CABLES1: variants seen among roughly 807,000 people sequenced by gnomAD.
CABLES1 encodes Cdk5 and Abl enzyme substrate 1, also known as CDK5 and ABL1 enzyme substrate 1.
CABLES1 carries 36 observed loss-of-function variants against 57.8 expected under a neutral mutation model. The ratio of observed to expected loss-of-function variants is 0.62; its 90% CI spans 0.48 to 0.82. CABLES1 has a LOEUF of 0.82. Among genes scored for constraint, CABLES1 ranks in the 40% least tolerant of loss-of-function variants. CABLES1 has a pLI of 0.00. For synonymous variants in CABLES1, 374 were observed against 363.0 expected (o/e 1.03, Z -0.35); for missense variants, 767 against 836.6 (o/e 0.92, Z 1.03).
intron 7 of CABLES1, among the ~76,000 whole-genome samples, chr18:23,245,696 T>C (rs2047859175): frequency 6.6e-6 from 1 of 152,196 alleles, no homozygotes; most frequent in Non-Finnish European, 1.5e-5. Context: ...GAACTGCATC[T>C]CTGGACATCT....
chr18:23,203,605 G>A (rs1255767802), intron 3 of CABLES1, among the ~76,000 whole-genome samples: 1 of 152,176 alleles, frequency 6.6e-6, no homozygotes, highest in Non-Finnish European at 1.5e-5. Context: ...AAAAGGGGAT[G>A]GGTCATAACT....
chr18:23,158,128 A>G (rs2046977910), intron 1 of CABLES1, among the ~76,000 whole-genome samples: 2 of 151,568 alleles, frequency 1.3e-5, no homozygotes, highest in African/African-American at 4.9e-5. Flanking sequence ...TTAAAAAAAA[A>G]AAAAAAAAAA....
At chr18:23,247,827 A>G (rs2047934788) in intron 7 of CABLES1, among the ~76,000 whole-genome samples, 1 of 152,228 alleles carries the variant, frequency 6.6e-6, no homozygotes, top group African/African-American at 2.4e-5. Flanking sequence ...TGTCACCTAG[A>G]AGATGACTGG....
At chr18:23,150,957 C>T (rs1233335278) in intron 1 of CABLES1, among the ~76,000 whole-genome samples, 1 of 151,236 alleles carries the variant, frequency 6.6e-6, no homozygotes, top group Non-Finnish European at 1.5e-5. Flanking sequence ...CCTCATAACG[C>T]TAAGAGCTCT....
intron 3 of CABLES1, chr18:23,204,670 G>C (rs1171984556): frequency 6.6e-6 from 1 of 152,240 alleles, no homozygotes; most frequent in Non-Finnish European, 1.5e-5. Context: ...AGTAAAAAAA[G>C]AAAAAGAGGC....
chr18:23,179,894 AGTTTT>A (rs557680313), intron 1 of CABLES1, among the ~76,000 whole-genome samples: 135 of 152,178 alleles, frequency 8.9e-4, no homozygotes, highest in African/African-American at 3.0e-3. Flanking sequence ...AGGGTGAAAC[AGTTTT>A]GTTTTGTTTT....
At chr18:23,165,999 G>A (rs2047039835) in intron 1 of CABLES1, among the ~76,000 whole-genome samples, 1 of 152,170 alleles carries the variant, frequency 6.6e-6, no homozygotes, top group African/African-American at 2.4e-5. Flanking sequence ...CAGAAAAGCA[G>A]CAGTTCTAGC....
At chr18:23,191,080 CAAA>C (rs10636287) in intron 2 of CABLES1, among the ~76,000 whole-genome samples, 4 of 63,584 alleles carry the variant, frequency 6.3e-5, no homozygotes, top group African/African-American at 1.0e-4. Context: ...CCCATCTCTA[CAAA>C]AAAAAAAAAA....
chr18:23,238,937 T>G (rs1164623449), intron 7 of CABLES1, among the ~76,000 whole-genome samples: 3 of 152,232 alleles, frequency 2.0e-5, no homozygotes, highest in African/African-American at 7.2e-5. Flanking sequence ...GTAGCAGATT[T>G]CTAGGTAACC....
chr18:23,135,588 C>CAA lies in CABLES1; in HGVS notation c.-175_-174insAA. The CAA allele has an allele frequency of 1.2e-5, 3 of 254,878 alleles. No homozygotes were observed. Among genetic ancestry groups the CAA allele is most frequent in the Non-Finnish European group, 1.8e-5 (3 of 162,922 alleles). 15.8% of individuals were successfully genotyped at this position (254,878 alleles called of 1,614,324 possible). On this transcript the variant is annotated 5_prime_UTR_variant, in exon 1 of 10. Coordinates refer to ENST00000256925, the MANE Select transcript of CABLES1 (RefSeq NM_001100619.3). The stretch of plus-strand genomic sequence containing the variant: ...TGGGCCGGGGCGGCGGCGCCCCCAT[C>CAA]CCCAGCACCGAGGGGCGAGCATGGC...
At chr18:23,163,544 T>TG (rs531919627) in intron 1 of CABLES1, among the ~76,000 whole-genome samples, 2 of 151,494 alleles carry the variant, frequency 1.3e-5, no homozygotes, top group Non-Finnish European at 2.9e-5. Flanking sequence ...CAGGGAAGCC[T>TG]GGGGGGCTGA....
At position 23,187,691 on chromosome 18, in the gene CABLES1, G is replaced by T. The variant is rs559855838; in HGVS notation, c.846-1147G>T. On this transcript the variant is annotated intron_variant, in intron 1 of 9. Coordinates refer to ENST00000256925, the MANE Select transcript of CABLES1 (RefSeq NM_001100619.3). ...CGTGAGCCACCGTGCCTGGCCACAA[G>T]TATTTTTTTTTTAAAGGATTTGAGC... Among the ~76,000 whole-genome samples the T allele has an allele frequency of 2.6e-5, 4 of 152,020 alleles. No individual in the cohort carries two copies. The East Asian group carries it at 7.8e-4, about 30-fold the overall frequency.
chr18:23,170,015 C>G (rs753766243), intron 1 of CABLES1, among the ~76,000 whole-genome samples: 1 of 152,142 alleles, frequency 6.6e-6, no homozygotes, highest in African/African-American at 2.4e-5. Flanking sequence ...ATGCCCTATC[C>G]CTCTCAGCTC....
intron 7 of CABLES1, among the ~76,000 whole-genome samples, chr18:23,251,666 G>A (rs1375566205): frequency 2.0e-5 from 3 of 152,316 alleles, no homozygotes; most frequent in Non-Finnish European, 2.9e-5. Flanking sequence ...TTTAGAAAGA[G>A]GGAAGGAGGG....
At chr18:23,145,469 C>T (rs1819831417) in intron 1 of CABLES1, among the ~76,000 whole-genome samples, 1 of 152,114 alleles carries the variant, frequency 6.6e-6, no homozygotes, top group Non-Finnish European at 1.5e-5. Context: ...TGTTGAAAAC[C>T]AGAAGTTTTT....
In CABLES1 at chr18:23,257,465, C is replaced by T; in HGVS notation, c.*98C>T. On this transcript the variant is annotated 3_prime_UTR_variant, in exon 10 of 10. Transcript: ENST00000256925. The stretch of plus-strand genomic sequence containing the variant: ...TGAAAAAAAGTAGAACTCAGAATAC[C>T]AGACTTTTCTTCCTCTCGACATAGT... 7.6e-7 allele frequency: 1 copy of T among 1,323,926 alleles called. No homozygotes were observed. The highest frequency in any genetic ancestry group is 2.8e-5 in the Admixed American group (1 of 35,736). The allele number at this position is 1,323,926 out of a possible 1,614,324, so 82.0% of individuals were successfully genotyped here.
intron 1 of CABLES1, among the ~76,000 whole-genome samples, chr18:23,172,768 G>T (rs564551338): frequency 1.3e-5 from 2 of 152,322 alleles, no homozygotes; most frequent in East Asian, 3.9e-4. Flanking sequence ...AAGCCTTCCT[G>T]AACAGCCTGG....
intron 1 of CABLES1, among the ~76,000 whole-genome samples, chr18:23,168,693 G>A (rs1171786269): frequency 1.3e-5 from 2 of 152,226 alleles, no homozygotes; most frequent in Admixed American, 1.3e-4. Context: ...TGGACGTGGA[G>A]CCTGGCAGAA....
chr18:23,164,031 C>A (rs2047023690), intron 1 of CABLES1, among the ~76,000 whole-genome samples: 1 of 152,152 alleles, frequency 6.6e-6, no homozygotes, highest in African/African-American at 2.4e-5. Context: ...TATGTGGGTT[C>A]CAGGATCAGG....
Sources: allele counts gnomAD v4.1 joint callset (sites outside exome capture counted in the v4.1 genomes callset), GRCh38; gene constraint gnomAD v4.1.1; transcripts MANE v1.5; gene names NCBI Gene and HGNC (gene_info 2026-07-23, HGNC 2026-07-21).